HAPLN1: variants seen among roughly 807,000 people sequenced by gnomAD.
HAPLN1 encodes the protein Cartilage link protein.
Under a neutral mutation model 36.5 loss-of-function variants are expected in HAPLN1, and 13 were observed. That is an observed-to-expected ratio of 0.36 (90% CI 0.23 to 0.57). The LOEUF is 0.57. Ranked by LOEUF, HAPLN1 falls within the 20% of genes least tolerant of loss-of-function variation. The pLI is 0.83. For missense variants in HAPLN1, 407 were observed against 439.7 expected (o/e 0.93, Z 0.66); for synonymous variants, 202 against 169.8 (o/e 1.19, Z -1.48).
intron 1 of HAPLN1, among the ~76,000 whole-genome samples, chr5:83,685,707 T>C (rs1398706878): frequency 1.3e-5 from 2 of 152,178 alleles, no homozygotes; most frequent in Non-Finnish European, 2.9e-5. Context: ...GATTGGCGTT[T>C]CTGTAGTTCT....
At chr5:83,702,312 A>G (rs1484252936) in intron 1 of HAPLN1, among the ~76,000 whole-genome samples, 4 of 152,220 alleles carry the variant, frequency 2.6e-5, no homozygotes, top group African/African-American at 9.7e-5. Context: ...TATCCGGTAT[A>G]AATTATAAAC....
At chr5:83,662,758 C>T (rs909118819) in intron 2 of HAPLN1, among the ~76,000 whole-genome samples, 2 of 152,184 alleles carry the variant, frequency 1.3e-5, no homozygotes, top group Non-Finnish European at 2.9e-5. Context: ...AGGCATAGAG[C>T]TCAACTCTAC....
In HAPLN1 at chr5:83,638,442, T is replaced by C. The variant is rs1369818742; in HGVS notation, c.*3054A>G. On this transcript the variant is annotated 3_prime_UTR_variant, in exon 5 of 5. Transcript: ENST00000274341. ...GTGAGCTACGATACAGTTAACTTCTTAACAAAACGATGTCAGTTATCCGTT... is the reference window on the plus strand; with the variant it reads ...GTGAGCTACGATACAGTTAACTTCTCAACAAAACGATGTCAGTTATCCGTT... 6.6e-6 allele frequency: 1 copy of C among 152,058 alleles called. No individual in the cohort carries two copies. Among genetic ancestry groups the C allele is most frequent in the Non-Finnish European group, 1.5e-5 (1 of 67,904 alleles). 9.4% of individuals were successfully genotyped at this position (152,058 alleles called of 1,614,324 possible). A position where few individuals can be genotyped will look rare whatever the true frequency, so the allele number is the denominator to read the frequency against.
At chr5:83,680,751 A>T (rs1320054316) in intron 1 of HAPLN1, among the ~76,000 whole-genome samples, 1 of 152,198 alleles carries the variant, frequency 6.6e-6, no homozygotes, top group Non-Finnish European at 1.5e-5. Context: ...GACAACCAAT[A>T]TGAATATTAT....
Position 83,706,118 on chromosome 5 carries a change from A to C in HAPLN1, c.-27+14671T>G, listed in dbSNP as rs1751643782. 4.6e-5 allele frequency among the ~76,000 whole-genome samples: 7 copies of C among 151,022 alleles called. No homozygotes were observed. The South Asian group carries it at 1.5e-3, about 32-fold the overall frequency. ...GCCTACCAATCGAAAAAAAAAAAAAACAAAAGCCCAGGGCCAAATGAATTC... is the reference window on the plus strand; with the variant it reads ...GCCTACCAATCGAAAAAAAAAAAAACCAAAAGCCCAGGGCCAAATGAATTC... On this transcript the variant is annotated intron_variant, in intron 1 of 4. Coordinates refer to ENST00000274341, the MANE Select transcript of HAPLN1 (RefSeq NM_001884.4).
Position 83,641,424 on chromosome 5 carries a change from TC to T in HAPLN1, c.*71del. On this transcript the variant is annotated 3_prime_UTR_variant, in exon 5 of 5. Coordinates refer to ENST00000274341, the MANE Select transcript of HAPLN1 (RefSeq NM_001884.4). ...CACAGTTTTGGTAACTTGCATGAGT[TC>T]ATATTGGAAAAAAAAAACACCTTTC... 7.1e-7 allele frequency: 1 copy of T among 1,417,882 alleles called. No individual in the cohort carries two copies. Among genetic ancestry groups the T allele is most frequent in the South Asian group, 1.4e-5 (1 of 69,266 alleles). The allele number at this position is 1,417,882 out of a possible 1,614,324, so 87.8% of individuals were successfully genotyped here.
chr5:83,641,906 T>C (rs1382136073), intron 4 of HAPLN1, 121 bp from the exon 5 acceptor site: 2 of 1,058,736 alleles, frequency 1.9e-6, no homozygotes, highest in Non-Finnish European at 2.8e-6. Flanking sequence ...GTTTGTAAAA[T>C]TTTGGGAACA....
At chr5:83,658,090 A>G (rs1021074816) in intron 2 of HAPLN1, among the ~76,000 whole-genome samples, 5 of 152,116 alleles carry the variant, frequency 3.3e-5, no homozygotes, top group African/African-American at 1.2e-4. Flanking sequence ...CATAGACTCA[A>G]TTGTCAGCTC....
At chr5:83,693,664 G>A (rs1349244355) in intron 1 of HAPLN1, among the ~76,000 whole-genome samples, 1 of 151,734 alleles carries the variant, frequency 6.6e-6, no homozygotes, top group African/African-American at 2.4e-5. Context: ...CTAACCAAAA[G>A]GGAGATAGAG....
At chr5:83,672,086 T>C (rs955435407) in intron 2 of HAPLN1, among the ~76,000 whole-genome samples, 4 of 152,220 alleles carry the variant, frequency 2.6e-5, no homozygotes, top group Non-Finnish European at 4.4e-5. Flanking sequence ...GCAATTTTCA[T>C]TAAATGGTTT....
chr5:83,701,880 C>A lies in HAPLN1; in HGVS notation c.-27+18909G>T, dbSNP rs940286203. On this transcript the variant is annotated intron_variant, in intron 1 of 4. Coordinates refer to ENST00000274341, the MANE Select transcript of HAPLN1 (RefSeq NM_001884.4). ...GACGGAGGTTGCGGTGAGCCGAGAT[C>A]GCTCCACTGCTCTCCACCTTGGGCG... Among the ~76,000 whole-genome samples the A allele has an allele frequency of 2.6e-5, 4 of 151,824 alleles. No individual in the cohort carries two copies. The East Asian group carries it at 5.8e-4, about 22-fold the overall frequency.
chr5:83,678,877 T>C (rs1430532298), intron 1 of HAPLN1, among the ~76,000 whole-genome samples: 3 of 152,224 alleles, frequency 2.0e-5, no homozygotes, highest in Non-Finnish European at 4.4e-5. Flanking sequence ...TACTGAACTA[T>C]AGTTCTCAGA....
chr5:83,660,487 A>G (rs1750354503), intron 2 of HAPLN1, among the ~76,000 whole-genome samples: 1 of 152,146 alleles, frequency 6.6e-6, no homozygotes, highest in Non-Finnish European at 1.5e-5. Context: ...TGAGATGGGC[A>G]TCACGAGGCC....
intron 1 of HAPLN1, chr5:83,682,321 T>G (rs1751024808): frequency 6.6e-6 from 1 of 152,170 alleles, no homozygotes; most frequent in Non-Finnish European, 1.5e-5. Flanking sequence ...ATCAGGCAAC[T>G]CACACATATT....
intron 1 of HAPLN1, among the ~76,000 whole-genome samples, chr5:83,700,400 T>A (rs1751480817): frequency 6.6e-6 from 1 of 152,150 alleles, no homozygotes; most frequent in South Asian, 2.1e-4. Flanking sequence ...GCAATATCCA[T>A]CATGATTCAA....
At chr5:83,696,110 T>C (rs187167734) in intron 1 of HAPLN1, among the ~76,000 whole-genome samples, 17 of 152,302 alleles carry the variant, frequency 1.1e-4, no homozygotes, top group African/African-American at 3.6e-4. Flanking sequence ...AACATCATTA[T>C]ATTTTTATAC....
At chr5:83,689,939 A>G (rs569582285) in intron 1 of HAPLN1, among the ~76,000 whole-genome samples, 11 of 152,150 alleles carry the variant, frequency 7.2e-5, no homozygotes, top group Non-Finnish European at 1.5e-4. Flanking sequence ...CAAACAAAAT[A>G]TCTCATTGCT....
intron 1 of HAPLN1, among the ~76,000 whole-genome samples, chr5:83,716,212 T>C (rs1751909438): frequency 1.3e-5 from 2 of 152,176 alleles, no homozygotes; most frequent in African/African-American, 4.8e-5. Flanking sequence ...TAAACATAAT[T>C]TGAATATTAT....
At chr5:83,691,168 C>A (rs1358521347) in intron 1 of HAPLN1, among the ~76,000 whole-genome samples, 3 of 152,008 alleles carry the variant, frequency 2.0e-5, no homozygotes, top group Non-Finnish European at 2.9e-5. Flanking sequence ...GAAGAAGGAA[C>A]CTACCTAGAG....
Sources: allele counts gnomAD v4.1 joint callset (sites outside exome capture counted in the v4.1 genomes callset), GRCh38; gene constraint gnomAD v4.1.1; transcripts MANE v1.5; gene names NCBI Gene and HGNC (gene_info 2026-07-23, HGNC 2026-07-21).